FAT3: variants seen among roughly 807,000 people sequenced by gnomAD.
FAT3 encodes protocadherin Fat 3.
A neutral mutation model predicts 310.2 loss-of-function variants in FAT3; 95 were observed. That is an observed-to-expected ratio of 0.31 (90% CI 0.26 to 0.36). The LOEUF (loss-of-function observed/expected upper bound fraction) is 0.36. Ranked by LOEUF, FAT3 falls within the 10% of genes least tolerant of loss-of-function variation. FAT3 has a pLI of 1.00. For synonymous variants in FAT3, 2,314 were observed against 2,192.9 expected (o/e 1.06, Z -1.54); for missense variants, 5,408 against 5,715.6 (o/e 0.95, Z 1.74).
chr11:92,432,572 G>A, intron 2 of FAT3, among the ~76,000 whole-genome samples: 1 of 152,164 alleles, frequency 6.6e-6, no homozygotes, highest in East Asian at 1.9e-4. Context: ...GACCCTGTTT[G>A]CCTGAGTGTC....
intron 1 of FAT3, among the ~76,000 whole-genome samples, chr11:92,324,948 G>T (rs1032498476): frequency 6.6e-6 from 1 of 152,182 alleles, no homozygotes; most frequent in Non-Finnish European, 1.5e-5. Flanking sequence ...CTGACACCAG[G>T]AATTTGAGGA....
chr11:92,641,575 AT>A (rs1417796422), intron 3 of FAT3, among the ~76,000 whole-genome samples: 1 of 151,926 alleles, frequency 6.6e-6, no homozygotes, highest in Non-Finnish European at 1.5e-5. Context: ...CTGTCTTCAC[AT>A]TGCTTTCCAC....
intron 1 of FAT3, among the ~76,000 whole-genome samples, chr11:92,320,235 AC>A (rs1250453982): frequency 1.3e-5 from 2 of 152,190 alleles, no homozygotes; most frequent in Non-Finnish European, 2.9e-5. Context: ...TTGGGAGATT[AC>A]TTTTAGGTAG....
At chr11:92,874,876 G>A (rs1949491936) in intron 22 of FAT3, among the ~76,000 whole-genome samples, 2 of 152,062 alleles carry the variant, frequency 1.3e-5, no homozygotes, top group African/African-American at 2.4e-5. Context: ...AACCTCTCCA[G>A]CAGCCCCAGG....
chr11:92,384,763 A>G (rs1321617283), intron 2 of FAT3, among the ~76,000 whole-genome samples: 2 of 152,186 alleles, frequency 1.3e-5, no homozygotes, highest in African/African-American at 4.8e-5. Context: ...AGAGACCAGG[A>G]GCTGTTTACA....
intron 21 of FAT3, among the ~76,000 whole-genome samples, chr11:92,863,001 G>A (rs987397254): frequency 2.6e-5 from 4 of 152,180 alleles, no homozygotes; most frequent in African/African-American, 9.6e-5. Context: ...ATCAAAAGAA[G>A]AAATTCAGAG....
At chr11:92,350,536 T>G (rs1316500552) in intron 1 of FAT3, among the ~76,000 whole-genome samples, 1 of 152,128 alleles carries the variant, frequency 6.6e-6, no homozygotes, top group African/African-American at 2.4e-5. Context: ...AATTATTTCA[T>G]TCTTGCTTGC....
intron 3 of FAT3, among the ~76,000 whole-genome samples, chr11:92,590,265 G>A (rs867257256): frequency 6.6e-6 from 1 of 152,122 alleles, no homozygotes; most frequent in South Asian, 2.1e-4. Context: ...TCTGGAAAAG[G>A]CTACTTGAGA....
intron 11 of FAT3, 133 bp from the exon 12 acceptor site, chr11:92,806,229 T>C (rs1591760478): frequency 1.3e-6 from 1 of 743,776 alleles, no homozygotes; most frequent in East Asian, 2.7e-5. Context: ...AATATGTTTC[T>C]GTAGTGAAGG....
intron 4 of FAT3, among the ~76,000 whole-genome samples, chr11:92,742,717 T>C (rs1038414743): frequency 2.0e-5 from 3 of 152,216 alleles, no homozygotes; most frequent in African/African-American, 7.2e-5. Context: ...GGCCACATGA[T>C]GGCACCTTGA....
chr11:92,467,729 C>G (rs1244220051), intron 2 of FAT3, among the ~76,000 whole-genome samples: 1 of 152,160 alleles, frequency 6.6e-6, no homozygotes, highest in African/African-American at 2.4e-5. Context: ...GAGGGCTGAG[C>G]TTATGCCATG....
In FAT3 at chr11:92,798,763, A is replaced by T. The variant is rs1947245487; in HGVS notation, c.5750A>T (p.Glu1917Val). ...GATCCTGACTCTGAGGTACCCCCTGAACTGACATACAGCCTAATGGAAGGC... is the reference window on the plus strand; with the variant it reads ...GATCCTGACTCTGAGGTACCCCCTGTACTGACATACAGCCTAATGGAAGGC... ...ATDPDSEVPP[E>V]LTYSLMEGSL... Residue 1917 changes from glutamate (E) to valine (V), a missense_variant, in exon 10 of 28, where the codon GAA becomes GTA. By Grantham distance (121) the Glu-to-Val change is moderately radical (BLOSUM62 -2). Coordinates refer to ENST00000525166, the MANE Select transcript of FAT3 (RefSeq NM_001367949.2). The T allele has an allele frequency of 6.2e-7, 1 of 1,613,718 alleles. No individual in the cohort carries two copies. The highest frequency in any genetic ancestry group is 1.3e-5 in the African/African-American group (1 of 74,912).
At chr11:92,261,195 G>A (rs1044356892) in intron 1 of FAT3, among the ~76,000 whole-genome samples, 1 of 151,964 alleles carries the variant, frequency 6.6e-6, no homozygotes, top group East Asian at 1.9e-4. Context: ...TTCTTCACAG[G>A]AGGAATTTTA....
chr11:92,331,003 T>TGTGTGA (rs1280550527), intron 1 of FAT3, among the ~76,000 whole-genome samples: 13 of 133,564 alleles, frequency 9.7e-5, no homozygotes, highest in East Asian at 4.3e-4. Flanking sequence ...TGTGTGTGTG[T>TGTGTGA]GAGAGAGAGA....
At chr11:92,549,195 C>T (rs981783810) in intron 3 of FAT3, among the ~76,000 whole-genome samples, 2 of 152,140 alleles carry the variant, frequency 1.3e-5, no homozygotes, top group South Asian at 2.1e-4. Context: ...CACTTCCTTA[C>T]AGACTCATTC....
intron 2 of FAT3, among the ~76,000 whole-genome samples, chr11:92,508,564 T>A (rs1272503852): frequency 1.3e-5 from 2 of 152,160 alleles, no homozygotes; most frequent in East Asian, 3.9e-4. Context: ...AGTCCATTCA[T>A]TACATTTTTA....
chr11:92,735,664 T>A (rs1230338718), intron 4 of FAT3, among the ~76,000 whole-genome samples: 1 of 151,916 alleles, frequency 6.6e-6, no homozygotes, highest in Non-Finnish European at 1.5e-5. Context: ...AAAGAAAAAT[T>A]AATTTACAAT....
In FAT3 at chr11:92,801,332, T is replaced by G. The variant is rs1341391632; in HGVS notation, c.8319T>G (p.Arg2773=). 6.2e-7 allele frequency: 1 copy of G among 1,613,956 alleles called. No individual in the cohort carries two copies. The highest frequency in any genetic ancestry group is 8.5e-7 in the Non-Finnish European group (1 of 1,179,880). Residue 2773 remains arginine, a synonymous_variant, in exon 10 of 28, where the codon CGT becomes CGG. Coordinates refer to ENST00000525166, the MANE Select transcript of FAT3 (RefSeq NM_001367949.2). ...GTIKLDKRLD[R]ETSPAFHFKV... ...TTAAGCTTGACAAACGCCTTGACCG[T>G]GAAACCAGCCCAGCTTTCCACTTTA... is the stretch of plus-strand genomic sequence containing the variant.
At chr11:92,817,943 G>A (rs1341976596) in intron 13 of FAT3, among the ~76,000 whole-genome samples, 2 of 152,198 alleles carry the variant, frequency 1.3e-5, no homozygotes, top group African/African-American at 4.8e-5. Flanking sequence ...CACTGGAAAT[G>A]TGGACGAGAT....
Sources: gnomAD v4.1 joint callset for allele counts (sites outside exome capture counted in the v4.1 genomes callset) on GRCh38, gnomAD v4.1.1 for gene constraint, MANE v1.5 for transcripts, NCBI Gene and HGNC (gene_info 2026-07-23, HGNC 2026-07-21) for gene names.